The following KCNT2 variants were observed in gnomAD, a reference collection of about 807,000 sequenced individuals.
KCNT2 encodes potassium channel subfamily T member 2.
Under a neutral mutation model 153.8 loss-of-function variants are expected in KCNT2, and 67 were observed. The ratio of observed to expected loss-of-function variants is 0.44; its 90% CI spans 0.36 to 0.53. The LOEUF is 0.53. KCNT2 is among the 20% of genes least tolerant of loss of function. KCNT2 has a pLI of 0.00. For missense variants in KCNT2, 975 were observed against 1,354.8 expected, an observed-to-expected ratio of 0.72 and a Z score of 4.40; for synonymous variants, 500 against 458.8, an observed-to-expected ratio of 1.09 and a Z score of -1.15.
At chr1:196,269,553 A>T (rs940460019) in intron 25 of KCNT2, among the ~76,000 whole-genome samples, 5 of 152,254 alleles carry the variant, frequency 3.3e-5, no homozygotes, top group African/African-American at 1.2e-4. Context: ...AGAATATGGG[A>T]CTATATACAA....
intron 8 of KCNT2, among the ~76,000 whole-genome samples, chr1:196,457,745 T>C (rs1254111301): frequency 2.6e-5 from 4 of 151,976 alleles, no homozygotes; most frequent in Non-Finnish European, 5.9e-5. Flanking sequence ...TAGTCAAGGC[T>C]TCTTACCTAT....
chr1:196,509,034 TGAGGCGGGCA>T (rs1681381767), intron 1 of KCNT2, among the ~76,000 whole-genome samples: 1 of 152,082 alleles, frequency 6.6e-6, no homozygotes, highest in South Asian at 2.1e-4. Flanking sequence ...TTTAAGAGGT[TGAGGCGGGCA>T]GATCACCTGA....
chr1:196,300,259 T>C (rs1488196036), intron 22 of KCNT2, among the ~76,000 whole-genome samples: 1 of 152,232 alleles, frequency 6.6e-6, no homozygotes, highest in Non-Finnish European at 1.5e-5. Flanking sequence ...TCAATGAACT[T>C]CACAATATTT....
intron 8 of KCNT2, among the ~76,000 whole-genome samples, chr1:196,457,365 T>C (rs372723594): frequency 1.8e-4 from 28 of 151,950 alleles, no homozygotes; most frequent in Middle Eastern, 3.4e-3. Context: ...CTACATATTA[T>C]GGATAGTAAA....
intron 5 of KCNT2, among the ~76,000 whole-genome samples, chr1:196,473,241 C>T (rs1387784602): frequency 2.6e-5 from 4 of 152,186 alleles, no homozygotes; most frequent in Non-Finnish European, 1.5e-5. Context: ...GCCCCTTCAT[C>T]ATATACCCTC....
chr1:196,423,073 A>G lies in KCNT2; in HGVS notation c.1162T>C (p.Cys388Arg). The G allele has an allele frequency of 6.2e-7, 1 of 1,604,326 alleles. No homozygotes were observed. Among genetic ancestry groups the G allele is most frequent in the Non-Finnish European group, 8.5e-7 (1 of 1,174,190 alleles). ...AEACFILSSR[C>R]EVDRTSSDHQ... ...ACAGATGATGTCCTATCCACTTCAC[A>G]ACGGCTACTGAGAATAAAACAGGCC... Residue 388 changes from cysteine to arginine, a missense_variant, in exon 12 of 28, where the codon TGT (cysteine) becomes CGT (arginine). Coordinates refer to ENST00000294725, the MANE Select transcript of KCNT2 (RefSeq NM_198503.5).
intron 12 of KCNT2, among the ~76,000 whole-genome samples, chr1:196,411,738 C>T (rs1442515006): frequency 1.3e-5 from 2 of 151,708 alleles, no homozygotes; most frequent in Admixed American, 6.6e-5. Context: ...AGTTCTAACA[C>T]TTTTTTCTGG....
chr1:196,500,036 T>G (rs1164467927), intron 1 of KCNT2, among the ~76,000 whole-genome samples: 2 of 151,518 alleles, frequency 1.3e-5, no homozygotes, highest in Non-Finnish European at 2.9e-5. Flanking sequence ...CCCAGCTACT[T>G]GGGAGACAGA....
chr1:196,307,902 C>T (rs1055804275), intron 21 of KCNT2, among the ~76,000 whole-genome samples: 14 of 151,868 alleles, frequency 9.2e-5, no homozygotes, highest in Non-Finnish European at 1.6e-4. Context: ...AAATTTCATA[C>T]CATATGGGAG....
At chr1:196,489,085 T>C (rs931052825) in intron 3 of KCNT2, among the ~76,000 whole-genome samples, 1 of 151,872 alleles carries the variant, frequency 6.6e-6, no homozygotes, top group South Asian at 2.1e-4. Context: ...GGAAACTTAA[T>C]TTCCCAGAAG....
intron 1 of KCNT2, among the ~76,000 whole-genome samples, chr1:196,559,161 A>C (rs1465151475): frequency 2.6e-5 from 4 of 151,626 alleles, no homozygotes; most frequent in African/African-American, 9.7e-5. Context: ...CAAGTGTTTC[A>C]CATGTAATCT....
intron 15 of KCNT2, among the ~76,000 whole-genome samples, chr1:196,341,843 G>T (rs1665666577): frequency 6.6e-6 from 1 of 151,856 alleles, no homozygotes; most frequent in South Asian, 2.1e-4. Context: ...ATTTTAAAAA[G>T]ACTTTAAAAG....
rs77116179 is a variant in KCNT2, at chr1:196,497,256, G to A, written c.96-4915C>T. Among the ~76,000 whole-genome samples the A allele has an allele frequency of 1.3e-3, 194 of 152,112 alleles. 3 individuals carry two copies. In the East Asian group the frequency reaches 0.037, roughly 29 times the overall value. Reference sequence around the variant, plus strand: ...AAACATGTACAGACTTGTTTTTCTTGTCATTATTCCCTAGACAATACAATA... The same window carrying A: ...AAACATGTACAGACTTGTTTTTCTTATCATTATTCCCTAGACAATACAATA... On this transcript the variant is annotated intron_variant, in intron 1 of 27. Coordinates refer to ENST00000294725, the MANE Select transcript of KCNT2 (RefSeq NM_198503.5).
At chr1:196,407,569 A>G (rs1671933980) in intron 12 of KCNT2, among the ~76,000 whole-genome samples, 1 of 151,512 alleles carries the variant, frequency 6.6e-6, no homozygotes, top group African/African-American at 2.4e-5. Context: ...ATGACATAGT[A>G]CAGATTATTA....
At chr1:196,417,789 T>C (rs7550015) in intron 12 of KCNT2, among the ~76,000 whole-genome samples, 105,809 of 151,890 alleles carry the variant, frequency 0.7, 36,947 homozygotes, top group Middle Eastern at 0.77. Flanking sequence ...CAGCCTAGTA[T>C]GTACTAGGCT....
Position 196,319,377 on chromosome 1 carries a change from G to A in KCNT2, c.2348+107C>T, listed in dbSNP as rs1663054255. ...TCTACATGCAAAATATATCATATTTGCAATACTGACACGGCAAATTACACT... is the reference window on the plus strand; with the variant it reads ...TCTACATGCAAAATATATCATATTTACAATACTGACACGGCAAATTACACT... On this transcript the variant is annotated intron_variant, in intron 20 of 27. Coordinates refer to ENST00000294725, the MANE Select transcript of KCNT2 (RefSeq NM_198503.5). The A allele has an allele frequency of 5.1e-6, 3 of 586,450 alleles. No individual in the cohort carries two copies. In the Admixed American group the frequency reaches 7.7e-5, roughly 15 times the overall value. 36.3% of individuals were successfully genotyped at this position (586,450 alleles called of 1,614,324 possible).
chr1:196,341,186 GC>G (rs767189476), intron 15 of KCNT2, among the ~76,000 whole-genome samples: 10 of 151,982 alleles, frequency 6.6e-5, no homozygotes, highest in Admixed American at 2.0e-4. Context: ...AATACAGCTA[GC>G]CTAACAAATA....
At chr1:196,534,549 C>G (rs2148856471) in intron 1 of KCNT2, among the ~76,000 whole-genome samples, 1 of 152,238 alleles carries the variant, frequency 6.6e-6, no homozygotes, top group East Asian at 1.9e-4. Context: ...TCCAAGAAAG[C>G]TGTCGTGAAC....
chr1:196,484,196 G>T (rs1396519470), intron 3 of KCNT2, among the ~76,000 whole-genome samples: 1 of 151,952 alleles, frequency 6.6e-6, no homozygotes, highest in Non-Finnish European at 1.5e-5. Flanking sequence ...AAATCTGCTT[G>T]ACTTTCATAA....
Sources: gnomAD v4.1 joint callset for allele counts (sites outside exome capture counted in the v4.1 genomes callset) on GRCh38, gnomAD v4.1.1 for gene constraint, MANE v1.5 for transcripts, NCBI Gene and HGNC (gene_info 2026-07-23, HGNC 2026-07-21) for gene names.